The following NHS variants were observed in gnomAD, a reference collection of about 807,000 sequenced individuals.
The protein encoded by NHS is NHS actin remodeling regulator, also known as actin remodeling regulator NHS.
In NHS, 5 loss-of-function variants were observed where a neutral mutation model predicts 72.5. The observed-to-expected ratio is 0.07, with a 90% confidence interval of 0.04 to 0.14. The LOEUF (loss-of-function observed/expected upper bound fraction) is 0.14. NHS is among the 10% of genes least tolerant of loss of function. The pLI, the probability that NHS is intolerant of heterozygous loss-of-function variation, is 1.00. For synonymous variants in NHS, 464 were observed against 547.7 expected (o/e 0.85, Z 2.13); for missense variants, 1,072 against 1,355.7 (o/e 0.79, Z 3.29).
At chrX:17,390,424 G>A (rs997011569) in intron 1 of NHS, among the ~76,000 whole-genome samples, 1 of 104,557 alleles carries the variant, frequency 9.6e-6, no homozygotes, top group Non-Finnish European at 2.0e-5. Flanking sequence ...GATGGCGCAT[G>A]TTTATTGAGA....
chrX:17,719,511 T>A, intron 4 of NHS, 105 bp downstream of exon 4: 1 of 624,268 alleles, frequency 1.6e-6, no homozygotes, highest in Non-Finnish European at 2.4e-6. Flanking sequence ...TGTTTCTAAC[T>A]AACGGTTTTT....
At chrX:17,580,214 A>G (rs757230524) in intron 1 of NHS, among the ~76,000 whole-genome samples, 46 of 111,489 alleles carry the variant, frequency 4.1e-4, no homozygotes, top group African/African-American at 1.4e-3. Context: ...GATGGACTGT[A>G]GAGCTATCAT....
chrX:17,706,041 A>T (rs1411187401), intron 3 of NHS, among the ~76,000 whole-genome samples: 1 of 110,882 alleles, frequency 9.0e-6, no homozygotes, highest in Non-Finnish European at 1.9e-5. Context: ...AAATTTTTTT[A>T]ATTAGCCAGG....
intron 1 of NHS, among the ~76,000 whole-genome samples, chrX:17,660,752 C>T (rs2065978467): frequency 8.9e-6 from 1 of 111,999 alleles, no homozygotes; most frequent in African/African-American, 3.3e-5. Context: ...TTAGGTTGGG[C>T]CTGTGTCTTG....
chrX:17,451,719 A>G (rs2064806145), intron 1 of NHS, among the ~76,000 whole-genome samples: 1 of 112,069 alleles, frequency 8.9e-6, no homozygotes, highest in African/African-American at 3.2e-5. Flanking sequence ...TGTGTTTGAG[A>G]TAGTTCTGCA....
At chrX:17,673,145 G>GT (rs77744071) in intron 1 of NHS, among the ~76,000 whole-genome samples, 1,657 of 105,269 alleles carry the variant, frequency 0.016, 72 homozygotes, top group Admixed American at 0.12. Context: ...ACACAGGTCA[G>GT]TGTTCTAGAC....
Position 17,376,110 on chromosome X carries a change from T to C in NHS, c.353T>C (p.Val118Ala), listed in dbSNP as rs2064345537. ...EASSAAAAAA[V>A]LLMLDLCAVS... is the part of the protein sequence containing the mutation. ...TCCTCGGCGGCGGCGGCGGCGGCCG[T>C]GCTGCTCATGCTGGACCTATGCGCG... Residue 118 changes from valine (V) to alanine (A), a missense_variant, in exon 1 of 9, where the codon GTG (valine) becomes GCG (alanine). Coordinates refer to ENST00000676302, the MANE Select transcript of NHS (RefSeq NM_001291867.2). 3.5e-6 allele frequency: 4 copies of C among 1,131,883 alleles called. No homozygotes were observed. Among genetic ancestry groups the C allele is most frequent in the Non-Finnish European group, 4.6e-6 (4 of 862,684 alleles). 93.3% of individuals were successfully genotyped at this position (1,131,883 alleles called of 1,213,427 possible).
At chrX:17,404,538 C>T (rs975688857) in intron 1 of NHS, among the ~76,000 whole-genome samples, 3 of 111,498 alleles carry the variant, frequency 2.7e-5, no homozygotes, top group Non-Finnish European at 5.7e-5. Flanking sequence ...CACATTCTTC[C>T]ATGGCTTCTT....
intron 1 of NHS, among the ~76,000 whole-genome samples, chrX:17,388,100 T>C (rs2064419641): frequency 8.9e-6 from 1 of 112,086 alleles, no homozygotes; most frequent in South Asian, 3.7e-4. Context: ...GTTGTTGTTG[T>C]TGTGGCTTCT....
Position 17,375,890 on chromosome X carries a change from G to C in NHS, c.133G>C (p.Asp45His). The C allele has an allele frequency of 9.1e-7, 1 of 1,102,632 alleles. No homozygotes were observed. The highest frequency in any genetic ancestry group is 1.9e-5 in the African/African-American group (1 of 52,197). 90.9% of individuals were successfully genotyped at this position (1,102,632 alleles called of 1,213,427 possible). A position where few individuals can be genotyped will look rare whatever the true frequency, so the allele number is the denominator to read the frequency against. The change falls in exon 1 of 9, where the codon GAC becomes CAC. Residue 45 changes from aspartate to histidine, a missense_variant. By Grantham distance (81) the Asp-to-His change is moderately conservative. Transcript: ENST00000676302. ...GCCCTTGCAGCCGCCGGGCCGGAGGGACCTGGACGAGGTCGAGGCGCCAGG... is the reference window on the plus strand; with the variant it reads ...GCCCTTGCAGCCGCCGGGCCGGAGGCACCTGGACGAGGTCGAGGCGCCAGG... ...PPPLQPPGRRDLDEVEAPGPE... is the reference protein window; with the variant it reads ...PPPLQPPGRRHLDEVEAPGPE...
At chrX:17,425,038 CATCATAGGGTCAGGA>C (rs1331752410) in intron 1 of NHS, among the ~76,000 whole-genome samples, 1 of 111,788 alleles carries the variant, frequency 8.9e-6, no homozygotes, top group African/African-American at 3.3e-5. Context: ...TGGTGGAGCT[CATCATAGGGTCAGGA>C]AACCAGGGAG....
chrX:17,503,400 G>T (rs1270433435), intron 1 of NHS, among the ~76,000 whole-genome samples: 1 of 112,062 alleles, frequency 8.9e-6, no homozygotes, highest in Admixed American at 9.5e-5. Context: ...ACATTGATAT[G>T]GTACTTACTA....
chrX:17,607,963 C>T (rs1311593341), intron 1 of NHS, among the ~76,000 whole-genome samples: 3 of 100,790 alleles, frequency 3.0e-5, no homozygotes, highest in African/African-American at 1.1e-4. Flanking sequence ...CTGTCACCCA[C>T]GCTGGCGTTC....
In NHS at chrX:17,376,857, C is replaced by G. The variant is rs183757931; in HGVS notation, c.565+535C>G. Among the ~76,000 whole-genome samples the G allele has an allele frequency of 8.9e-3, 1,004 of 113,054 alleles. 14 individuals carry two copies. The highest frequency in any genetic ancestry group is 0.031 in the African/African-American group (953 of 31,159). On this transcript the variant is annotated intron_variant, in intron 1 of 8. Transcript: ENST00000676302. ...CTCGCTGTGACCTCAGGTGCTGCCC[C>G]GAGCTCCGAACTTGTGCCTTGCCCT...
chrX:17,475,646 G>C (rs1200112753), intron 1 of NHS, among the ~76,000 whole-genome samples: 1 of 112,005 alleles, frequency 8.9e-6, no homozygotes. Context: ...ATTGGGCAGG[G>C]ACATTTTCCC....
Position 17,416,815 on chromosome X carries a change from T to TGA in NHS, c.565+40494_565+40495insAG, listed in dbSNP as rs1314221565. ...GTATGTGTGTGTGTGTGTGTGTGTGTGTGTGAGAGAGAGAGAGAGAGAGAG... is the reference window on the plus strand; with the variant it reads ...GTATGTGTGTGTGTGTGTGTGTGTGTGAGTGTGAGAGAGAGAGAGAGAGAGAG... On this transcript the variant is annotated intron_variant, in intron 1 of 8. Coordinates refer to ENST00000676302, the MANE Select transcript of NHS (RefSeq NM_001291867.2). Among the ~76,000 whole-genome samples, 159 of 104,108 alleles carry TGA rather than the reference T, an allele frequency of 1.5e-3. 1 individual carries two copies. The highest frequency in any genetic ancestry group is 5.9e-3 in the African/African-American group (152 of 25,630). 90.4% of individuals were successfully genotyped at this position (104,108 alleles called of 115,157 possible).
At position 17,725,963 on chromosome X, in the gene NHS, C is replaced by T. The variant is rs2066440033; in HGVS notation, c.1857C>T (p.Ser619=). 1.7e-6 allele frequency: 2 copies of T among 1,209,719 alleles called. No individual in the cohort carries two copies. The highest frequency in any genetic ancestry group is 1.8e-5 in the African/African-American group (1 of 57,046). Residue 619 remains serine, a synonymous_variant, in exon 7 of 9, where the codon AGC becomes AGT. Coordinates refer to ENST00000676302, the MANE Select transcript of NHS (RefSeq NM_001291867.2). ...CISTAGVLLS[S]HMDQKDDHQS... is the part of the protein sequence containing the mutation. ...CCACGGCTGGCGTCCTCCTTAGCAG[C>T]CACATGGACCAGAAAGATGACCACC...
intron 1 of NHS, among the ~76,000 whole-genome samples, chrX:17,674,798 T>A (rs1172073176): frequency 1.8e-5 from 2 of 112,112 alleles, no homozygotes; most frequent in Non-Finnish European, 3.8e-5. Flanking sequence ...TCAAAGGCTC[T>A]CCTCATCACT....
intron 1 of NHS, among the ~76,000 whole-genome samples, chrX:17,502,372 C>G (rs1296026516): frequency 9.0e-6 from 1 of 111,463 alleles, no homozygotes; most frequent in Non-Finnish European, 1.9e-5. Flanking sequence ...TTCCATGCCC[C>G]TTTTCTGCCT....
Sources: gnomAD v4.1 joint callset for allele counts (sites outside exome capture counted in the v4.1 genomes callset) on GRCh38, gnomAD v4.1.1 for gene constraint, MANE v1.5 for transcripts, NCBI Gene and HGNC (gene_info 2026-07-23, HGNC 2026-07-21) for gene names.